Variants in TNIK observed in about 807,000 individuals in gnomAD.
TNIK encodes the protein TRAF2 and NCK interacting kinase.
TNIK carries 49 observed loss-of-function variants against 191.3 expected under a neutral mutation model. That is an observed-to-expected ratio of 0.26 (90% CI 0.20 to 0.32). The LOEUF is 0.32. TNIK is among the 10% of genes least tolerant of loss of function. The pLI is 1.00. For missense variants in TNIK, 1,155 were observed against 1,702.3 expected (o/e 0.68, Z 5.66); for synonymous variants, 594 against 600.9 (o/e 0.99, Z 0.17).
intron 2 of TNIK, among the ~76,000 whole-genome samples, chr3:171,325,050 G>A (rs1385793539): frequency 6.6e-6 from 1 of 152,052 alleles, no homozygotes; most frequent in African/African-American, 2.4e-5. Flanking sequence ...GCAATGAGCT[G>A]AGATGGCGCC....
At chr3:171,275,625 A>G (rs1749636343) in intron 2 of TNIK, among the ~76,000 whole-genome samples, 1 of 152,260 alleles carries the variant, frequency 6.6e-6, no homozygotes, top group Non-Finnish European at 1.5e-5. Flanking sequence ...TTCCATATAA[A>G]AAGAGGAAAA....
intron 25 of TNIK, 114 bp downstream of exon 25, chr3:171,085,004 T>C: frequency 1.4e-6 from 1 of 690,694 alleles, no homozygotes; most frequent in Non-Finnish European, 2.3e-6. Flanking sequence ...CCTTTTAAGA[T>C]AGGACCTAAG....
At chr3:171,429,907 T>C (rs545588186) in intron 1 of TNIK, among the ~76,000 whole-genome samples, 1 of 152,276 alleles carries the variant, frequency 6.6e-6, no homozygotes, top group Admixed American at 6.5e-5. Context: ...ACCACTCCTG[T>C]GTGGCTCATC....
intron 2 of TNIK, among the ~76,000 whole-genome samples, chr3:171,279,733 C>G (rs966692456): frequency 2.6e-5 from 4 of 152,154 alleles, no homozygotes; most frequent in Admixed American, 1.3e-4. Context: ...GCATTTCACA[C>G]CTATCATTTA....
rs1749926602 is a variant in TNIK at position 171,277,703 on chromosome 3, A to T, written c.124-49482T>A. Among the ~76,000 whole-genome samples, 4 of 152,306 alleles carry T rather than the reference A, an allele frequency of 2.6e-5. No homozygotes were observed. The South Asian group carries it at 8.3e-4, about 32-fold the overall frequency. ...ACACACATTTGTTCACATATTGTGT[A>T]AGTCTGCTTTCTGCTACAACAGTAG... On this transcript the variant is annotated intron_variant, in intron 2 of 32. Transcript: ENST00000436636.
Position 171,356,281 on chromosome 3 carries a change from C to T in TNIK, c.123+13339G>A, listed in dbSNP as rs543291705. On this transcript the variant is annotated intron_variant, in intron 2 of 32. Coordinates refer to ENST00000436636, the MANE Select transcript of TNIK (RefSeq NM_015028.4). ...TCTGAGAAACGAGGCAACCAACTCCCTTAAATAATCAACACAGATGTATTT... is the reference window on the plus strand; with the variant it reads ...TCTGAGAAACGAGGCAACCAACTCCTTTAAATAATCAACACAGATGTATTT... Among the ~76,000 whole-genome samples the T allele has an allele frequency of 7.9e-5, 12 of 152,214 alleles. No individual in the cohort carries two copies. The South Asian group carries it at 2.3e-3, about 29-fold the overall frequency.
chr3:171,183,921 TAAAA>T (rs11437224), intron 7 of TNIK, among the ~76,000 whole-genome samples: 10 of 86,374 alleles, frequency 1.2e-4, no homozygotes, highest in African/African-American at 3.9e-4. Context: ...GACTCCGTCT[TAAAA>T]AAAAAAAAAA....
In TNIK at chr3:171,101,638, G is replaced by A; in HGVS notation, c.2407-5C>T. ...TTTGGCTAATGCCGTCAGATCCTAT[G>A]AAAGAAAAATTTGTTCAGCATATGA... On this transcript the variant is annotated splice_region_variant and splice_polypyrimidine_tract_variant and intron_variant, in intron 21 of 32. Transcript: ENST00000436636. 6.2e-7 allele frequency: 1 copy of A among 1,610,718 alleles called. No individual in the cohort carries two copies. The highest frequency in any genetic ancestry group is 8.5e-7 in the Non-Finnish European group (1 of 1,178,650).
At position 171,058,943 on chromosome 3, in the gene TNIK, C is replaced by T. The variant is rs1251044981; in HGVS notation, c.*4938G>A. Among the ~76,000 whole-genome samples the T allele has an allele frequency of 6.6e-6, 1 of 152,100 alleles. No individual in the cohort carries two copies. Among genetic ancestry groups the T allele is most frequent in the Admixed American group, 6.6e-5 (1 of 15,252 alleles). On this transcript the variant is annotated 3_prime_UTR_variant, in exon 33 of 33. Coordinates refer to ENST00000436636, the MANE Select transcript of TNIK (RefSeq NM_015028.4). The stretch of plus-strand genomic sequence containing the variant: ...AATGTCCAAGGTTTCTTAAACATAC[C>T]ATAATAAGTATTACTATTCCTTAAC...
At chr3:171,346,736 A>G (rs1230281831) in intron 2 of TNIK, among the ~76,000 whole-genome samples, 1 of 152,118 alleles carries the variant, frequency 6.6e-6, no homozygotes, top group Non-Finnish European at 1.5e-5. Context: ...AGGAGCAGGA[A>G]TGTGCAAAGG....
intron 2 of TNIK, among the ~76,000 whole-genome samples, chr3:171,311,076 TA>T (rs1200915765): frequency 6.6e-6 from 1 of 151,908 alleles, no homozygotes; most frequent in Non-Finnish European, 1.5e-5. Context: ...GAGAATGTAA[TA>T]AAAAGATATA....
chr3:171,390,422 TA>T (rs1719327305), intron 1 of TNIK, among the ~76,000 whole-genome samples: 1 of 152,210 alleles, frequency 6.6e-6, no homozygotes, highest in Admixed American at 6.5e-5. Flanking sequence ...CTGGTTGCAG[TA>T]ACCACCTTCG....
At chr3:171,270,711 C>CA (rs1053234322) in intron 2 of TNIK, among the ~76,000 whole-genome samples, 38 of 152,122 alleles carry the variant, frequency 2.5e-4, no homozygotes, top group African/African-American at 8.9e-4. Flanking sequence ...TTGTTAGCCA[C>CA]AAAAAATAGG....
chr3:171,279,538 C>A (rs1048416161), intron 2 of TNIK, among the ~76,000 whole-genome samples: 134 of 152,296 alleles, frequency 8.8e-4, no homozygotes, highest in African/African-American at 3.1e-3. Context: ...CACATAGCCA[C>A]CCCCTTGCCA....
chr3:171,114,345 G>C (rs1726359655), intron 18 of TNIK, among the ~76,000 whole-genome samples: 1 of 152,202 alleles, frequency 6.6e-6, no homozygotes, highest in South Asian at 2.1e-4. Flanking sequence ...AGAGTACCAA[G>C]TATGTATCAG....
At chr3:171,406,839 A>T (rs934675611) in intron 1 of TNIK, among the ~76,000 whole-genome samples, 3 of 152,260 alleles carry the variant, frequency 2.0e-5, no homozygotes, top group African/African-American at 7.2e-5. Flanking sequence ...GGCACCCAGA[A>T]GTGTGATATT....
chr3:171,413,028 A>G (rs1481513906), intron 1 of TNIK, among the ~76,000 whole-genome samples: 1 of 152,054 alleles, frequency 6.6e-6, no homozygotes, highest in African/African-American at 2.4e-5. Flanking sequence ...CAGAGCCTCA[A>G]CTCCTCTTTT....
At chr3:171,449,414 G>T (rs1727911161) in intron 1 of TNIK, among the ~76,000 whole-genome samples, 1 of 152,162 alleles carries the variant, frequency 6.6e-6, no homozygotes, top group Non-Finnish European at 1.5e-5. Context: ...AGCATCTGTT[G>T]TTTCCTGTAA....
chr3:171,065,040 C>CT (rs1414217353), intron 32 of TNIK, among the ~76,000 whole-genome samples: 2 of 152,226 alleles, frequency 1.3e-5, no homozygotes, highest in Non-Finnish European at 2.9e-5. Context: ...TTGTGTGCCC[C>CT]TGGCTGTAAA....
Sources: allele counts gnomAD v4.1 joint callset (sites outside exome capture counted in the v4.1 genomes callset), GRCh38; gene constraint gnomAD v4.1.1; transcripts MANE v1.5; gene names NCBI Gene and HGNC (gene_info 2026-07-23, HGNC 2026-07-21).